The following ASB15 variants were observed in gnomAD, a reference collection of about 807,000 sequenced individuals.
ASB15 encodes ankyrin repeat and SOCS box protein 15.
ASB15 carries 54 observed loss-of-function variants against 58.0 expected under a neutral mutation model. The observed-to-expected ratio is 0.93, with a 90% CI of 0.75 to 1.17. The LOEUF (loss-of-function observed/expected upper bound fraction) is 1.17, where lower values mean the gene tolerates loss of function less well. ASB15 is among the 50% of genes most tolerant of loss of function. The pLI is 0.00. For synonymous variants in ASB15, 249 were observed against 262.4 expected (o/e 0.95, Z 0.50); for missense variants, 680 against 707.4 (o/e 0.96, Z 0.44).
At chr7:123,618,890 C>T (rs1801012918) in intron 7 of ASB15, among the ~76,000 whole-genome samples, 1 of 151,940 alleles carries the variant, frequency 6.6e-6, no homozygotes, top group Non-Finnish European at 1.5e-5. Flanking sequence ...TAAGAAGTCA[C>T]ATTGGCCAGG....
intron 1 of ASB15, among the ~76,000 whole-genome samples, chr7:123,592,947 G>A (rs559418484): frequency 1.3e-5 from 2 of 151,864 alleles, no homozygotes; most frequent in African/African-American, 2.4e-5. Flanking sequence ...TATGAATCTC[G>A]GTGCTCCTGT....
chr7:123,578,902 G>C (rs930971456), intron 1 of ASB15, among the ~76,000 whole-genome samples: 1 of 152,016 alleles, frequency 6.6e-6, no homozygotes, highest in South Asian at 2.1e-4. Flanking sequence ...TTACATGCAA[G>C]GTATTTTATT....
At chr7:123,571,025 C>T (rs1798895568) in intron 1 of ASB15, among the ~76,000 whole-genome samples, 1 of 152,174 alleles carries the variant, frequency 6.6e-6, no homozygotes. Context: ...GACAGTGGTT[C>T]AAGAACCCCT....
In ASB15 at chr7:123,624,780, T is replaced by G. The variant is rs202170481; in HGVS notation, c.663T>G (p.Gly221=). The G allele has an allele frequency of 5.5e-5, 88 of 1,613,948 alleles. No homozygotes were observed. The highest frequency in any genetic ancestry group is 6.7e-5 in the Non-Finnish European group (79 of 1,179,942). ...VTPLGVAAEY[G]HCDVLEHLIH... ...CACTAGGCGTCGCTGCCGAGTATGG[T>G]CACTGTGACGTGTTAGAACATCTAA... Residue 221 remains glycine (G), a synonymous_variant, in exon 8 of 12, where the codon GGT becomes GGG. Transcript: ENST00000451215.
At chr7:123,609,419 C>G (rs1800320955) in intron 3 of ASB15, among the ~76,000 whole-genome samples, 1 of 152,150 alleles carries the variant, frequency 6.6e-6, no homozygotes. Flanking sequence ...CCCTAAAGGA[C>G]AGAATCTCTT....
At chr7:123,623,673 G>A (rs909898698) in intron 7 of ASB15, among the ~76,000 whole-genome samples, 19 of 151,966 alleles carry the variant, frequency 1.3e-4, no homozygotes, top group African/African-American at 4.4e-4. Flanking sequence ...AGACCAGCCT[G>A]ACCAACACGG....
intron 3 of ASB15, among the ~76,000 whole-genome samples, chr7:123,609,615 T>A (rs1194339144): frequency 6.6e-6 from 1 of 152,106 alleles, no homozygotes; most frequent in Non-Finnish European, 1.5e-5. Flanking sequence ...TGAGGGTAGG[T>A]GGGGAAAACA....
chr7:123,614,377 T>G, intron 3 of ASB15, 124 bp from the exon 4 acceptor site: 3 of 639,020 alleles, frequency 4.7e-6, no homozygotes, highest in Admixed American at 5.6e-5. Context: ...ACATTTGTAT[T>G]TGTTAACTAG....
chr7:123,588,434 G>A (rs568714511), intron 1 of ASB15, among the ~76,000 whole-genome samples: 11 of 151,208 alleles, frequency 7.3e-5, no homozygotes, highest in Middle Eastern at 3.4e-3. Context: ...CTAAAGTTTC[G>A]TTAATTTTAT....
intron 1 of ASB15, among the ~76,000 whole-genome samples, chr7:123,583,723 C>T (rs1562911202): frequency 6.6e-6 from 1 of 151,860 alleles, no homozygotes; most frequent in Non-Finnish European, 1.5e-5. Flanking sequence ...TCTTCTGATC[C>T]TTAAGCATAA....
At chr7:123,611,063 A>G (rs1215230956) in intron 3 of ASB15, among the ~76,000 whole-genome samples, 3 of 147,668 alleles carry the variant, frequency 2.0e-5, no homozygotes, top group African/African-American at 2.5e-5. Context: ...AACCTGGGCA[A>G]AAGAGCAAAA....
At position 123,629,247 on chromosome 7, in the gene ASB15, T is replaced by C; in HGVS notation, c.1253T>C (p.Phe418Ser). The C allele has an allele frequency of 6.2e-7, 1 of 1,613,918 alleles. No homozygotes were observed. The highest frequency in any genetic ancestry group is 2.2e-5 in the East Asian group (1 of 44,874). ...TTTATGCATGTGAATGACACTCGTT[T>C]CCCCAGTGTCATTCAATATGCTCTA... ...CYFMHVNDTR[F>S]PSVIQYALND... The change falls in exon 10 of 12, where the codon TTC becomes TCC. Residue 418 changes from phenylalanine (F) to serine (S), a missense_variant. Coordinates refer to ENST00000451215, the MANE Select transcript of ASB15 (RefSeq NM_001290258.2).
chr7:123,590,784 TC>T (rs1799514605), intron 1 of ASB15, among the ~76,000 whole-genome samples: 2 of 152,172 alleles, frequency 1.3e-5, no homozygotes, highest in South Asian at 2.1e-4. Context: ...CTATGCGGGC[TC>T]CTTTTTGGTT....
chr7:123,623,927 AAAGAAAAG>A (rs1220778687), intron 7 of ASB15, among the ~76,000 whole-genome samples: 12 of 20,318 alleles, frequency 5.9e-4, no homozygotes, highest in East Asian at 3.2e-3. Flanking sequence ...AGGAAGAAAG[AAAGAAAAG>A]AAAGAAAGAA....
chr7:123,610,978 A>G (rs1800404462), intron 3 of ASB15, among the ~76,000 whole-genome samples: 1 of 146,792 alleles, frequency 6.8e-6, no homozygotes, highest in South Asian at 2.3e-4. Context: ...GCTACTCGGG[A>G]GGCTAAGGCA....
chr7:123,587,213 T>C (rs985144870), intron 1 of ASB15, among the ~76,000 whole-genome samples: 9 of 151,738 alleles, frequency 5.9e-5, no homozygotes, highest in Non-Finnish European at 1.3e-4. Context: ...GTGTCTTCTT[T>C]CAATGTCTTT....
intron 1 of ASB15, among the ~76,000 whole-genome samples, chr7:123,589,374 G>A (rs1407661781): frequency 6.6e-6 from 1 of 150,806 alleles, no homozygotes; most frequent in African/African-American, 2.4e-5. Flanking sequence ...ACAATGTGGA[G>A]GTTTGTTACA....
intron 11 of ASB15, among the ~76,000 whole-genome samples, chr7:123,632,135 A>G (rs1802154309): frequency 6.6e-6 from 1 of 152,074 alleles, no homozygotes; most frequent in Non-Finnish European, 1.5e-5. Context: ...CCCACGGGCA[A>G]TGAATACATA....
In ASB15 at chr7:123,629,179, T is replaced by C. The variant is rs765139906; in HGVS notation, c.1185T>C (p.Ile395=). The stretch of plus-strand genomic sequence containing the variant: ...CAGTGAGGGCCAATAATTATGAAAT[T>C]GTCAGGCTGCTTCTCTCCCATGGAG... ...LVAVRANNYE[I]VRLLLSHGAN... Residue 395 remains isoleucine, a synonymous_variant, in exon 10 of 12, where the codon ATT becomes ATC. Transcript: ENST00000451215. 7.4e-6 allele frequency: 12 copies of C among 1,613,968 alleles called. No homozygotes were observed. Among genetic ancestry groups the C allele is most frequent in the African/African-American group, 4.0e-5 (3 of 74,932 alleles).
Sources: gnomAD v4.1 joint callset for allele counts (sites outside exome capture counted in the v4.1 genomes callset) on GRCh38, gnomAD v4.1.1 for gene constraint, MANE v1.5 for transcripts, NCBI Gene and HGNC (gene_info 2026-07-23, HGNC 2026-07-21) for gene names.